Variants in CSMD2 observed in about 807,000 individuals in gnomAD.
CSMD2 encodes the protein CUB and Sushi multiple domains 2.
Under a neutral mutation model 398.5 loss-of-function variants are expected in CSMD2, and 130 were observed. That is an observed-to-expected ratio of 0.33 (90% CI 0.28 to 0.38). CSMD2 has a LOEUF of 0.38. Among genes scored for constraint, CSMD2 ranks in the 10% least tolerant of loss-of-function variants. The probability of loss-of-function intolerance (pLI) is 1.00; values close to 1 mark genes in which losing one functional copy is unlikely to be tolerated. For missense variants in CSMD2, 3,829 were observed against 4,764.9 expected (o/e 0.80, Z 5.78); for synonymous variants, 1,828 against 1,908.5 (o/e 0.96, Z 1.10).
intron 3 of CSMD2, among the ~76,000 whole-genome samples, chr1:33,962,057 G>A (rs952701832): frequency 6.6e-6 from 1 of 152,116 alleles, no homozygotes; most frequent in African/African-American, 2.4e-5. Context: ...TCAATAAATG[G>A]TACACTAGCT....
chr1:33,827,192 T>C (rs987038391), intron 6 of CSMD2, among the ~76,000 whole-genome samples: 6 of 152,314 alleles, frequency 3.9e-5, no homozygotes, highest in Admixed American at 3.3e-4. Flanking sequence ...AGGGATCCTA[T>C]TAAAACATAA....
rs546290134 is a variant in CSMD2 at position 33,913,363 on chromosome 1, T to C, written c.920+4731A>G. Among the ~76,000 whole-genome samples the C allele has an allele frequency of 2.4e-3, 367 of 152,306 alleles. 1 individual carries two copies. The highest frequency in any genetic ancestry group is 3.4e-3 in the Non-Finnish European group (231 of 68,014). Reference sequence around the variant, plus strand: ...AGAGTCAGGGCAGCCAGGCTGTGCCTTTCTGCTGGTGAGATGCCACTGGGC... The same window carrying C: ...AGAGTCAGGGCAGCCAGGCTGTGCCCTTCTGCTGGTGAGATGCCACTGGGC... On this transcript the variant is annotated intron_variant, in intron 5 of 70. Coordinates refer to ENST00000373381, the MANE Select transcript of CSMD2 (RefSeq NM_001281956.2).
At chr1:33,717,806 G>A (rs541174897) in intron 19 of CSMD2, among the ~76,000 whole-genome samples, 2 of 152,086 alleles carry the variant, frequency 1.3e-5, no homozygotes, top group Non-Finnish European at 2.9e-5. Context: ...AGGTGAAGTT[G>A]GAGCGATGGG....
chr1:33,991,083 A>G (rs1646538790), intron 3 of CSMD2, among the ~76,000 whole-genome samples: 1 of 151,758 alleles, frequency 6.6e-6, no homozygotes. Flanking sequence ...CAGAGGCATA[A>G]TCTTAGATCA....
At chr1:33,806,963 T>G (rs1656298447) in intron 10 of CSMD2, among the ~76,000 whole-genome samples, 1 of 152,178 alleles carries the variant, frequency 6.6e-6, no homozygotes, top group Admixed American at 6.5e-5. Context: ...GGTAAACATT[T>G]TCCCAAGCTG....
intron 5 of CSMD2, among the ~76,000 whole-genome samples, chr1:33,896,989 G>A (rs1236209114): frequency 6.6e-6 from 1 of 151,990 alleles, no homozygotes; most frequent in East Asian, 1.9e-4. Flanking sequence ...GAGAAGGTAA[G>A]GTCACAGAGG....
At chr1:33,886,460 C>T (rs1481464324) in intron 5 of CSMD2, among the ~76,000 whole-genome samples, 2 of 152,206 alleles carry the variant, frequency 1.3e-5, no homozygotes, top group African/African-American at 4.8e-5. Flanking sequence ...AGATGACAAC[C>T]ACCCTGCTCT....
chr1:34,114,836 GACAA>G (rs1321500555), intron 1 of CSMD2, among the ~76,000 whole-genome samples: 2 of 152,088 alleles, frequency 1.3e-5, no homozygotes, highest in Admixed American at 1.3e-4. Flanking sequence ...GACACAAATA[GACAA>G]ACTAAATAAA....
intron 2 of CSMD2, among the ~76,000 whole-genome samples, chr1:34,033,287 T>A (rs1293212238): frequency 6.6e-6 from 1 of 152,222 alleles, no homozygotes; most frequent in Non-Finnish European, 1.5e-5. Context: ...GATCAATAGA[T>A]GGAATCATAT....
chr1:33,822,224 G>A (rs1658240429), intron 7 of CSMD2, among the ~76,000 whole-genome samples: 1 of 152,124 alleles, frequency 6.6e-6, no homozygotes. Context: ...GAATGGATGT[G>A]GCAAAGAAAG....
intron 52 of CSMD2, 133 bp downstream of exon 52, chr1:33,569,241 T>G: frequency 1.1e-6 from 1 of 902,994 alleles, no homozygotes; most frequent in Non-Finnish European, 1.6e-6. Flanking sequence ...TGGCCAATAG[T>G]TGGTGTTTGG....
chr1:33,553,458 G>A (rs888275137), intron 55 of CSMD2, among the ~76,000 whole-genome samples: 1 of 152,126 alleles, frequency 6.6e-6, no homozygotes, highest in Non-Finnish European at 1.5e-5. Flanking sequence ...GCCATTCCTT[G>A]TCTATCTCCC....
intron 1 of CSMD2, among the ~76,000 whole-genome samples, chr1:34,135,887 T>C (rs1638704096): frequency 6.6e-6 from 1 of 152,170 alleles, no homozygotes; most frequent in Non-Finnish European, 1.5e-5. Flanking sequence ...GAAGAAACTG[T>C]TGATAAGTGG....
chr1:33,756,706 C>T (rs143870810), intron 13 of CSMD2, among the ~76,000 whole-genome samples: 2,897 of 152,210 alleles, frequency 0.019, 35 homozygotes, highest in South Asian at 0.031. Flanking sequence ...ACAAGGTCTT[C>T]TAAAAATTAT....
intron 1 of CSMD2, among the ~76,000 whole-genome samples, chr1:34,140,892 C>G (rs1260881766): frequency 3.3e-5 from 5 of 152,124 alleles, no homozygotes; most frequent in African/African-American, 1.2e-4. Flanking sequence ...GGCTCATAAT[C>G]ACTTCCCACT....
In CSMD2 at chr1:33,825,773, G is replaced by C. The variant is rs751227065; in HGVS notation, c.1035C>G (p.Val345=). Residue 345 remains valine, a splice_region_variant and synonymous_variant, in exon 7 of 71, where the codon GTC becomes GTG. Transcript: ENST00000373381. ...RQRGFSAQYQ[V]KKQIELKSRG... ...GAGACTTCAACTCAATTTGCTTCTT[G>C]ACTAGAGAGGAGGTAAGAGGAAAAA... is the stretch of plus-strand genomic sequence containing the variant. 56 of 1,613,350 alleles carry C rather than the reference G, an allele frequency of 3.5e-5. No homozygotes were observed. Among genetic ancestry groups the C allele is most frequent in the Non-Finnish European group, 4.5e-5 (53 of 1,179,586 alleles).
intron 1 of CSMD2, among the ~76,000 whole-genome samples, chr1:34,111,967 A>G (rs568846935): frequency 6.6e-6 from 1 of 151,978 alleles, no homozygotes; most frequent in East Asian, 1.9e-4. Context: ...CCTTATTTCA[A>G]TAAATTCTTT....
intron 37 of CSMD2, among the ~76,000 whole-genome samples, chr1:33,618,027 C>CAG (rs71571757): frequency 2.0e-5 from 3 of 150,492 alleles, no homozygotes; most frequent in African/African-American, 4.9e-5. Flanking sequence ...GACAGAGAGA[C>CAG]AGAGAGAGAG....
intron 24 of CSMD2, among the ~76,000 whole-genome samples, chr1:33,693,859 A>C (rs1462856893): frequency 1.3e-5 from 2 of 152,146 alleles, no homozygotes; most frequent in Non-Finnish European, 2.9e-5. Context: ...GGAGTTTCAG[A>C]TCAGCCTGAC....
Sources: allele counts gnomAD v4.1 joint callset (sites outside exome capture counted in the v4.1 genomes callset), GRCh38; gene constraint gnomAD v4.1.1; transcripts MANE v1.5; gene names NCBI Gene and HGNC (gene_info 2026-07-23, HGNC 2026-07-21).